Variants in VRK2 observed in about 807,000 individuals in gnomAD.
VRK2 encodes the protein serine/threonine-protein kinase VRK2.
In VRK2, 60 loss-of-function variants were observed where a neutral mutation model predicts 57.6. That is an observed-to-expected ratio of 1.04 (90% CI 0.85 to 1.29). VRK2 has a LOEUF of 1.29. Among genes scored for constraint, VRK2 ranks in the 50% most tolerant of loss-of-function variants. The pLI is 0.00. For missense variants in VRK2, 705 were observed against 588.1 expected (o/e 1.20, Z -2.06); for synonymous variants, 231 against 199.2 (o/e 1.16, Z -1.35).
intron 1 of VRK2, among the ~76,000 whole-genome samples, chr2:58,014,900 A>C (rs1004747265): frequency 6.6e-6 from 1 of 152,106 alleles, no homozygotes; most frequent in African/African-American, 2.4e-5. Context: ...AAGGAACAGA[A>C]CCCAAGTGGA....
intron 2 of VRK2, among the ~76,000 whole-genome samples, chr2:58,058,121 G>C (rs923938814): frequency 1.3e-5 from 2 of 152,110 alleles, no homozygotes; most frequent in Non-Finnish European, 1.5e-5. Flanking sequence ...AGAACACTGA[G>C]AGGCAAGGGC....
chr2:57,921,290 ACACACACACACACACACACACT>A (rs1180524338), intron 1 of VRK2, among the ~76,000 whole-genome samples: 1 of 143,994 alleles, frequency 6.9e-6, no homozygotes, highest in Non-Finnish European at 1.5e-5. Context: ...AAGCGCGCAC[ACACACACACACACACACACACT>A]CACACACACA....
At chr2:58,142,580 A>AT (rs1681507473) in intron 11 of VRK2, among the ~76,000 whole-genome samples, 2 of 151,892 alleles carry the variant, frequency 1.3e-5, no homozygotes, top group Admixed American at 1.3e-4. Context: ...CGCCAATCAA[A>AT]TTAGAAGACT....
chr2:57,955,462 T>C (rs941049842), intron 1 of VRK2, among the ~76,000 whole-genome samples: 10 of 152,178 alleles, frequency 6.6e-5, no homozygotes, highest in African/African-American at 1.7e-4. Context: ...TTAGAAAACA[T>C]TAAAAAGTAT....
At chr2:58,030,541 T>G (rs1674080832) in intron 2 of VRK2, among the ~76,000 whole-genome samples, 1 of 152,070 alleles carries the variant, frequency 6.6e-6, no homozygotes, top group South Asian at 2.1e-4. Flanking sequence ...ATATCATATT[T>G]TCTTGTTTGG....
intron 2 of VRK2, among the ~76,000 whole-genome samples, chr2:58,076,147 T>G (rs1350444219): frequency 6.6e-6 from 1 of 150,904 alleles, no homozygotes; most frequent in Non-Finnish European, 1.5e-5. Context: ...ATAGCTGTTT[T>G]CAGTGGGAGA....
rs192355504 is a variant in VRK2, at chr2:58,152,429, G to A, written c.1182+5955G>A. The stretch of plus-strand genomic sequence containing the variant: ...TGTTATACGTTTTGCTTTTACATGT[G>A]TAATATATTTCAGAATGCATTGGTA... On this transcript the variant is annotated intron_variant, in intron 12 of 12. Coordinates refer to ENST00000340157, the MANE Select transcript of VRK2 (RefSeq NM_006296.7). 2.5e-3 allele frequency among the ~76,000 whole-genome samples: 384 copies of A among 151,720 alleles called. 2 individuals carry two copies. Among genetic ancestry groups the A allele is most frequent in the African/African-American group, 7.8e-3 (324 of 41,440 alleles).
At chr2:57,955,052 G>C (rs1279038505) in intron 1 of VRK2, among the ~76,000 whole-genome samples, 1 of 152,168 alleles carries the variant, frequency 6.6e-6, no homozygotes, top group Non-Finnish European at 1.5e-5. Context: ...TGGGGTAACA[G>C]AGACAGCCTA....
chr2:57,931,159 T>C (rs1572874367), intron 1 of VRK2, among the ~76,000 whole-genome samples: 1 of 152,148 alleles, frequency 6.6e-6, no homozygotes, highest in East Asian at 1.9e-4. Context: ...GTATACCCAG[T>C]AATAAGACGG....
chr2:58,114,754 A>T (rs1412236330), intron 7 of VRK2, among the ~76,000 whole-genome samples: 1 of 152,148 alleles, frequency 6.6e-6, no homozygotes, highest in African/African-American at 2.4e-5. Context: ...CTGGTCTGTT[A>T]TCAGACTGTA....
chr2:57,971,226 G>C (rs908507183), intron 1 of VRK2, among the ~76,000 whole-genome samples: 1 of 151,974 alleles, frequency 6.6e-6, no homozygotes, highest in African/African-American at 2.4e-5. Flanking sequence ...GTGCAAACTT[G>C]CAAGAGCCCT....
intron 7 of VRK2, among the ~76,000 whole-genome samples, chr2:58,120,525 A>G (rs925385700): frequency 2.6e-5 from 4 of 151,894 alleles, no homozygotes; most frequent in African/African-American, 9.7e-5. Context: ...TAAACCCTAT[A>G]CTGCCCTTCA....
chr2:58,045,169 C>T (rs1674645273), upstream of VRK2, among the ~76,000 whole-genome samples: 2 of 152,102 alleles, frequency 1.3e-5, no homozygotes, highest in African/African-American at 2.4e-5. Context: ...TGTGAACAGA[C>T]TAAAGGGATA....
chr2:58,112,824 A>AC (rs1346249359), intron 7 of VRK2, among the ~76,000 whole-genome samples: 3 of 152,194 alleles, frequency 2.0e-5, no homozygotes. Flanking sequence ...CATTGTGGGA[A>AC]GCTGAAGGGT....
chr2:58,110,888 A>G (rs1164596220), intron 7 of VRK2, among the ~76,000 whole-genome samples: 1 of 152,146 alleles, frequency 6.6e-6, no homozygotes, highest in Non-Finnish European at 1.5e-5. Context: ...GACCCCAGCT[A>G]TGTAGAAATA....
intron 1 of VRK2, among the ~76,000 whole-genome samples, chr2:57,948,659 G>C (rs1401886631): frequency 2.0e-5 from 3 of 152,026 alleles, no homozygotes; most frequent in Non-Finnish European, 4.4e-5. Context: ...TTCTTAGAAA[G>C]AAGAAAGATT....
chr2:57,985,050 G>C (rs1672553027), intron 1 of VRK2, among the ~76,000 whole-genome samples: 1 of 151,960 alleles, frequency 6.6e-6, no homozygotes, highest in Non-Finnish European at 1.5e-5. Flanking sequence ...CTGATTTTCT[G>C]ATCATTTGAG....
At chr2:58,031,573 A>T (rs1176042298) in intron 2 of VRK2, among the ~76,000 whole-genome samples, 1 of 152,116 alleles carries the variant, frequency 6.6e-6, no homozygotes, top group Non-Finnish European at 1.5e-5. Context: ...TGTAGACATC[A>T]GATCATTACC....
intron 1 of VRK2, among the ~76,000 whole-genome samples, chr2:57,979,327 A>G (rs1013849248): frequency 6.6e-5 from 10 of 150,956 alleles, no homozygotes; most frequent in African/African-American, 2.5e-4. Context: ...GCCAGCGTCT[A>G]TTGTTTCCTG....
Sources: gnomAD v4.1 joint callset for allele counts (sites outside exome capture counted in the v4.1 genomes callset) on GRCh38, gnomAD v4.1.1 for gene constraint, MANE v1.5 for transcripts, NCBI Gene and HGNC (gene_info 2026-07-23, HGNC 2026-07-21) for gene names.